RPS6KC1: variants seen among roughly 807,000 people sequenced by gnomAD.
The protein encoded by RPS6KC1 is ribosomal protein S6 kinase C1, also known as inactive ribosomal protein S6 kinase delta-1.
A neutral mutation model predicts 103.8 loss-of-function variants in RPS6KC1; 54 were observed. That is an observed-to-expected ratio of 0.52 (90% CI 0.42 to 0.65). The LOEUF (loss-of-function observed/expected upper bound fraction) is 0.65. Among genes scored for constraint, RPS6KC1 ranks in the 30% least tolerant of loss-of-function variants. The pLI, the probability that RPS6KC1 is intolerant of heterozygous loss-of-function variation, is 0.00. For missense variants in RPS6KC1, 1,151 were observed against 1,253.8 expected (o/e 0.92, Z 1.24); for synonymous variants, 439 against 438.7 (o/e 1.00, Z -0.01).
chr1:213,608,895 C>T, the RPS6KC1 span, among the ~76,000 whole-genome samples: 2 of 152,138 alleles, frequency 1.3e-5, no homozygotes, highest in Non-Finnish European at 2.9e-5. Context: ...ATGTACCATT[C>T]ATTTGACTAT....
intron 3 of RPS6KC1, 27 bp downstream of exon 3, chr1:213,077,843 T>G: frequency 7.2e-7 from 1 of 1,380,256 alleles, no homozygotes; most frequent in Non-Finnish European, 9.8e-7. Context: ...AAATTGTAAT[T>G]TAAAAAAATA....
At chr1:213,664,128 A>C in the RPS6KC1 span, among the ~76,000 whole-genome samples, 1 of 140,104 alleles carries the variant, frequency 7.1e-6, no homozygotes, top group Admixed American at 7.7e-5. Flanking sequence ...GCAGCTCCCC[A>C]TGGCACACTG....
At chr1:213,351,611 C>T in the RPS6KC1 span, among the ~76,000 whole-genome samples, 3 of 152,120 alleles carry the variant, frequency 2.0e-5, no homozygotes, top group Non-Finnish European at 1.5e-5. Flanking sequence ...AGTCATGACA[C>T]GTGGTCATGA....
At chr1:213,602,608 A>G in the RPS6KC1 span, among the ~76,000 whole-genome samples, 1 of 152,122 alleles carries the variant, frequency 6.6e-6, no homozygotes, top group African/African-American at 2.4e-5. Context: ...GCTCTTCAGG[A>G]TCCCCAAGAG....
chr1:213,387,133 C>T, the RPS6KC1 span, among the ~76,000 whole-genome samples: 2 of 152,200 alleles, frequency 1.3e-5, no homozygotes, highest in Non-Finnish European at 2.9e-5. Context: ...GTTCAACAAC[C>T]ATGAAGAGGA....
rs577267914 is a variant in RPS6KC1 at position 213,051,399 on chromosome 1, G to C, written c.-6G>C. On this transcript the variant is annotated 5_prime_UTR_variant, in exon 1 of 15. Transcript: ENST00000366960. Reference sequence around the variant, plus strand: ...GGGTGGCGGCGGCGGCAGAGGCGGCGGGAGGATGACCTCTTACCGGGAGCG... The same window carrying C: ...GGGTGGCGGCGGCGGCAGAGGCGGCCGGAGGATGACCTCTTACCGGGAGCG... The C allele has an allele frequency of 6.5e-4, 1,041 of 1,608,790 alleles. 27 individuals are homozygous for C. In the South Asian group the frequency reaches 0.01, roughly 16 times the overall value.
the RPS6KC1 span, among the ~76,000 whole-genome samples, chr1:213,661,297 AG>A: frequency 6.6e-6 from 1 of 152,218 alleles, no homozygotes; most frequent in Non-Finnish European, 1.5e-5. Context: ...GGCTGGTGTC[AG>A]GATCTCAGGT....
intron 5 of RPS6KC1, among the ~76,000 whole-genome samples, chr1:213,126,182 A>G (rs1047079159): frequency 6.6e-6 from 1 of 152,180 alleles, no homozygotes; most frequent in Non-Finnish European, 1.5e-5. Context: ...ATTGAAATAC[A>G]TAAAATATTT....
At chr1:213,359,916 TGA>T in the RPS6KC1 span, among the ~76,000 whole-genome samples, 1 of 152,246 alleles carries the variant, frequency 6.6e-6, no homozygotes, top group Non-Finnish European at 1.5e-5. Context: ...GAGTTTCTGC[TGA>T]GAGATCAGCT....
the RPS6KC1 span, among the ~76,000 whole-genome samples, chr1:213,619,092 T>C: frequency 6.6e-6 from 1 of 152,196 alleles, no homozygotes; most frequent in Non-Finnish European, 1.5e-5. Flanking sequence ...TTATCTTCCA[T>C]AGAAAGAAGC....
chr1:213,168,594 C>T (rs766545839), intron 7 of RPS6KC1, among the ~76,000 whole-genome samples: 3 of 151,698 alleles, frequency 2.0e-5, no homozygotes, highest in Admixed American at 6.6e-5. Context: ...TTGTGTCTTC[C>T]GGAAATGGGA....
chr1:213,437,502 A>T, the RPS6KC1 span, among the ~76,000 whole-genome samples: 1 of 152,010 alleles, frequency 6.6e-6, no homozygotes, highest in South Asian at 2.1e-4. Context: ...TACCAAGGTT[A>T]TACTGGTTTT....
intron 8 of RPS6KC1, among the ~76,000 whole-genome samples, chr1:213,219,507 G>C (rs150847176): frequency 6.6e-6 from 1 of 152,110 alleles, no homozygotes. Flanking sequence ...TTCCATTACC[G>C]GGTATATACC....
chr1:213,581,632 C>T, the RPS6KC1 span, among the ~76,000 whole-genome samples: 3 of 152,072 alleles, frequency 2.0e-5, no homozygotes, highest in East Asian at 5.8e-4. Context: ...TCCAGCCAGC[C>T]AAGGACAGCT....
the RPS6KC1 span, among the ~76,000 whole-genome samples, chr1:213,479,310 T>G: frequency 6.6e-6 from 1 of 152,194 alleles, no homozygotes; most frequent in East Asian, 1.9e-4. Flanking sequence ...TTACCAAATT[T>G]ATCTTCAATG....
the RPS6KC1 span, among the ~76,000 whole-genome samples, chr1:213,322,454 A>G: frequency 6.6e-6 from 1 of 152,226 alleles, no homozygotes; most frequent in African/African-American, 2.4e-5. Context: ...CTTTTGTTTT[A>G]GAAATAGACC....
At chr1:213,562,676 GT>G in the RPS6KC1 span, among the ~76,000 whole-genome samples, 1 of 151,266 alleles carries the variant, frequency 6.6e-6, no homozygotes, top group African/African-American at 2.4e-5. Context: ...CCAAAGTTCT[GT>G]TTTACAGAGA....
rs1264427662 is a variant in RPS6KC1, at chr1:213,104,759, A to T, written c.378+190A>T. ...AAATTTATGCTTTTTTTTTTTTTTT[A>T]AAGGAACTGGTTCTGCTCTGTTGCT... On this transcript the variant is annotated intron_variant, in intron 4 of 14. Coordinates refer to ENST00000366960, the MANE Select transcript of RPS6KC1 (RefSeq NM_012424.6). Among the ~76,000 whole-genome samples the T allele has an allele frequency of 9.2e-5, 13 of 140,936 alleles. No individual in the cohort carries two copies. The East Asian group carries it at 1.2e-3, about 13-fold the overall frequency. The allele number at this position is 140,936 out of a possible 152,430, so 92.5% of individuals were successfully genotyped here.
In RPS6KC1 at chr1:213,196,763, G is replaced by A. The variant is rs142096341; in HGVS notation, c.1044+20271G>A. Among the ~76,000 whole-genome samples the A allele has an allele frequency of 2.1e-3, 316 of 152,188 alleles. 1 individual carries two copies. Among genetic ancestry groups the A allele is most frequent in the African/African-American group, 7.0e-3 (290 of 41,538 alleles). ...TGTCCTTTACCCACTTCATGTTTTT[G>A]TTTGCTTTGTTGAAGATCAGTTGGC... is the stretch of plus-strand genomic sequence containing the variant. On this transcript the variant is annotated intron_variant, in intron 8 of 14. Transcript: ENST00000366960.
Sources: allele counts gnomAD v4.1 joint callset (sites outside exome capture counted in the v4.1 genomes callset), GRCh38; gene constraint gnomAD v4.1.1; transcripts MANE v1.5; gene names NCBI Gene and HGNC (gene_info 2026-07-23, HGNC 2026-07-21).